Variants in TMC7 observed in about 807,000 individuals in gnomAD.
TMC7 encodes the protein transmembrane channel-like protein 7.
TMC7 carries 54 observed loss-of-function variants against 82.9 expected under a neutral mutation model. The ratio of observed to expected loss-of-function variants is 0.65; its 90% CI spans 0.52 to 0.82. The LOEUF is 0.82. Among genes scored for constraint, TMC7 ranks in the 40% least tolerant of loss-of-function variants. The pLI, the probability that TMC7 is intolerant of heterozygous loss-of-function variation, is 0.00. For missense variants in TMC7, 820 were observed against 901.2 expected (o/e 0.91, Z 1.15); for synonymous variants, 350 against 337.9 (o/e 1.04, Z -0.39).
At chr16:19,056,738 C>T (rs774218120) in intron 14 of TMC7, 41 bp downstream of exon 14, 6 of 1,601,272 alleles carry the variant, frequency 3.7e-6, no homozygotes, top group Middle Eastern at 1.7e-4. Context: ...CACGTGGGCT[C>T]CTCCCATTGG....
intron 3 of TMC7, among the ~76,000 whole-genome samples, chr16:19,017,841 T>G (rs928409805): frequency 3.3e-5 from 5 of 152,108 alleles, no homozygotes; most frequent in Admixed American, 2.0e-4. Context: ...TGGCTAATTT[T>G]TTGTATTTTT....
At chr16:19,015,570 G>GTTTTT (rs869231364) in intron 2 of TMC7, among the ~76,000 whole-genome samples, 2 of 139,996 alleles carry the variant, frequency 1.4e-5, no homozygotes, top group African/African-American at 5.2e-5. Context: ...CTCAAGACAA[G>GTTTTT]TTTTTTTTTT....
chr16:18,991,522 C>T (rs151258378), intron 1 of TMC7, among the ~76,000 whole-genome samples: 1,953 of 152,142 alleles, frequency 0.013, 19 homozygotes, highest in South Asian at 0.019. Context: ...ATTGAGGCCT[C>T]GGCGATTTTG....
At chr16:18,992,689 T>G (rs1297387720) in intron 1 of TMC7, among the ~76,000 whole-genome samples, 2 of 152,216 alleles carry the variant, frequency 1.3e-5, no homozygotes, top group Non-Finnish European at 2.9e-5. Context: ...ATGTCCTGAA[T>G]GGTATTGCCT....
At chr16:19,023,564 A>G (rs539235240) in intron 5 of TMC7, among the ~76,000 whole-genome samples, 15 of 152,244 alleles carry the variant, frequency 9.9e-5, no homozygotes, top group Non-Finnish European at 1.9e-4. Context: ...CTCCTGCCTC[A>G]GCCTCTCGAG....
intron 5 of TMC7, among the ~76,000 whole-genome samples, chr16:19,028,351 A>G (rs1960332470): frequency 6.6e-6 from 1 of 151,416 alleles, no homozygotes; most frequent in Non-Finnish European, 1.5e-5. Context: ...CCTGGGCAAC[A>G]TGGCGAGACC....
chr16:19,047,522 G>A (rs1273980301), intron 12 of TMC7, among the ~76,000 whole-genome samples: 2 of 143,280 alleles, frequency 1.4e-5, no homozygotes, highest in Non-Finnish European at 3.0e-5. Flanking sequence ...CCAGCCTCCC[G>A]AGTAGCTGGG....
At chr16:19,029,544 A>T (rs982363764) in intron 5 of TMC7, among the ~76,000 whole-genome samples, 10 of 151,330 alleles carry the variant, frequency 6.6e-5, no homozygotes, top group African/African-American at 1.5e-4. Context: ...TAATTTTTTT[A>T]AAAAAAATTT....
At position 19,047,135 on chromosome 16, in the gene TMC7, T is replaced by C. The variant is rs1404934251; in HGVS notation, c.1626T>C (p.Asp542=). The C allele has an allele frequency of 1.2e-6, 2 of 1,614,118 alleles. No homozygotes were observed. The highest frequency in any genetic ancestry group is 1.7e-6 in the Non-Finnish European group (2 of 1,180,026). Residue 542 remains aspartate, a synonymous_variant, in exon 12 of 16, where the codon GAT becomes GAC. Coordinates refer to ENST00000304381, the MANE Select transcript of TMC7 (RefSeq NM_024847.4). Reference sequence around the variant, plus strand: ...GGCAGCAGGAGTTTGCCATTCCTGATAACGTCCTGGGGATAGTTTACGGGC... The same window carrying C: ...GGCAGCAGGAGTTTGCCATTCCTGACAACGTCCTGGGGATAGTTTACGGGC... The part of the protein sequence containing the change: ...CWGQQEFAIP[D]NVLGIVYGQT...
chr16:18,997,792 C>CTT (rs2039070543), intron 1 of TMC7, among the ~76,000 whole-genome samples: 2 of 144,376 alleles, frequency 1.4e-5, no homozygotes, highest in Non-Finnish European at 3.0e-5. Context: ...TGCAGTGGTA[C>CTT]GATCTCGGCT....
At chr16:19,025,654 C>A (rs1475817782) in intron 5 of TMC7, among the ~76,000 whole-genome samples, 1 of 151,782 alleles carries the variant, frequency 6.6e-6, no homozygotes, top group Non-Finnish European at 1.5e-5. Flanking sequence ...AACAAAAAAA[C>A]AAATAAACAA....
intron 11 of TMC7, 111 bp from the exon 12 acceptor site, chr16:19,046,952 G>T: frequency 6.8e-6 from 6 of 880,864 alleles, no homozygotes; most frequent in East Asian, 5.1e-5. Flanking sequence ...TAAGACATTT[G>T]ACTAACCAGT....
intron 1 of TMC7, among the ~76,000 whole-genome samples, chr16:18,989,678 C>T (rs1175132547): frequency 1.3e-5 from 2 of 150,726 alleles, no homozygotes; most frequent in East Asian, 1.9e-4. Context: ...TCTAGTCAAG[C>T]GAGACGCACT....
chr16:19,023,021 G>GAACAAACA lies in TMC7; in HGVS notation c.629-73_629-66dup, dbSNP rs752199350. 17 of 742,172 alleles carry GAACAAACA rather than the reference G, an allele frequency of 2.3e-5. No individual in the cohort carries two copies. In the African/African-American group the frequency reaches 2.7e-4, roughly 12 times the overall value. The allele number at this position is 742,172 out of a possible 1,614,324, so 46.0% of individuals were successfully genotyped here. A position where few individuals can be genotyped will look rare whatever the true frequency, so the allele number is the denominator to read the frequency against. The stretch of plus-strand genomic sequence containing the variant: ...GATGACAGAGCGAGACTCCATCTCA[G>GAACAAACA]AACAAACAAACAAACAAACAAACAA... On this transcript the variant is annotated intron_variant, in intron 4 of 15. Transcript: ENST00000304381.
intron 6 of TMC7, among the ~76,000 whole-genome samples, chr16:19,032,461 G>C (rs1438644811): frequency 6.6e-6 from 1 of 151,620 alleles, no homozygotes; most frequent in Non-Finnish European, 1.5e-5. Context: ...TGCCAGGGGA[G>C]ATCCAAGTTT....
In TMC7 at chr16:19,035,043, G is replaced by A. The variant is rs145478505; in HGVS notation, c.858-633G>A. ...TCAACCTAGGTGCCCATCAATGGAG[G>A]ACTGGATAAAGAAAATGTGGTACAC... On this transcript the variant is annotated intron_variant, in intron 6 of 15. Transcript: ENST00000304381. 2.5e-3 allele frequency among the ~76,000 whole-genome samples: 373 copies of A among 152,242 alleles called. 2 individuals are homozygous for A. Among genetic ancestry groups the A allele is most frequent in the African/African-American group, 8.8e-3 (364 of 41,544 alleles).
intron 1 of TMC7, among the ~76,000 whole-genome samples, chr16:18,993,546 A>T (rs1364177180): frequency 6.6e-6 from 1 of 152,162 alleles, no homozygotes; most frequent in African/African-American, 2.4e-5. Context: ...CAGAAGTTGA[A>T]ACGCTAGCTG....
At chr16:19,031,772 A>C (rs1960526740) in intron 6 of TMC7, among the ~76,000 whole-genome samples, 1 of 152,238 alleles carries the variant, frequency 6.6e-6, no homozygotes, top group Non-Finnish European at 1.5e-5. Flanking sequence ...TTCATCTTAT[A>C]GTATTCTAGG....
chr16:19,007,080 CTCCCAAAATGCTGGGA>C (rs1476543790), intron 1 of TMC7, among the ~76,000 whole-genome samples: 1 of 151,984 alleles, frequency 6.6e-6, no homozygotes, highest in Non-Finnish European at 1.5e-5. Flanking sequence ...CTGCCTCGGC[CTCCCAAAATGCTGGGA>C]TTACAGGTGT....
Sources: allele counts gnomAD v4.1 joint callset (sites outside exome capture counted in the v4.1 genomes callset), GRCh38; gene constraint gnomAD v4.1.1; transcripts MANE v1.5; gene names NCBI Gene and HGNC (gene_info 2026-07-23, HGNC 2026-07-21).